Variants in PSD2 observed in about 807,000 individuals in gnomAD.
PSD2 encodes PH and SEC7 domain-containing protein 2.
A neutral mutation model predicts 69.8 loss-of-function variants in PSD2; 38 were observed. That is an observed-to-expected ratio of 0.54 (90% CI 0.42 to 0.71). The LOEUF (loss-of-function observed/expected upper bound fraction) is 0.71, where lower values mean the gene tolerates loss of function less well. Among genes scored for constraint, PSD2 ranks in the 30% least tolerant of loss-of-function variants. PSD2 has a pLI of 0.00. For missense variants in PSD2, 943 were observed against 1,014.5 expected (o/e 0.93, Z 0.96); for synonymous variants, 412 against 423.0 (o/e 0.97, Z 0.32).
At chr5:139,812,424 C>A (rs1403512097) in intron 2 of PSD2, among the ~76,000 whole-genome samples, 1 of 152,094 alleles carries the variant, frequency 6.6e-6, no homozygotes, top group Non-Finnish European at 1.5e-5. Context: ...GCTTGGGAAG[C>A]GTGGTTGGGG....
At position 139,843,871 on chromosome 5, in the gene PSD2, T is replaced by C. The variant is rs1760936293; in HGVS notation, c.*1397T>C. The C allele has an allele frequency of 6.6e-6, 1 of 152,248 alleles. No homozygotes were observed. The highest frequency in any genetic ancestry group is 2.1e-4 in the South Asian group (1 of 4,836). 9.4% of individuals were successfully genotyped at this position (152,248 alleles called of 1,614,324 possible). ...CCTCTCTATTGTTTAAATAGATTAC[T>C]GTAGTTTGGCCAGGAATTTGGCGTC... On this transcript the variant is annotated 3_prime_UTR_variant, in exon 15 of 15. Coordinates refer to ENST00000274710, the MANE Select transcript of PSD2 (RefSeq NM_032289.4).
chr5:139,839,205 A>G lies in PSD2; in HGVS notation c.1968+433A>G, dbSNP rs962987062. ...AGAAAACCCAACACACCCATGCTGC[A>G]GGTTCTCAGGGCTTCTTTGGAGAGG... On this transcript the variant is annotated intron_variant, in intron 13 of 14. Coordinates refer to ENST00000274710, the MANE Select transcript of PSD2 (RefSeq NM_032289.4). The surrounding 1 kb of genome is among the most constrained non-coding windows in gnomAD (Gnocchi z 5.1). 5.9e-5 allele frequency among the ~76,000 whole-genome samples: 9 copies of G among 152,242 alleles called. No individual in the cohort carries two copies. The highest frequency in any genetic ancestry group is 2.2e-4 in the African/African-American group (9 of 41,466).
intron 2 of PSD2, among the ~76,000 whole-genome samples, chr5:139,812,980 C>A (rs1162124904): frequency 2.6e-5 from 4 of 152,170 alleles, no homozygotes; most frequent in African/African-American, 9.7e-5. Context: ...TCCATCCAAG[C>A]AGGGCCTAGG....
At chr5:139,799,283 GA>G (rs1318471689) in intron 1 of PSD2, among the ~76,000 whole-genome samples, 2 of 152,192 alleles carry the variant, frequency 1.3e-5, no homozygotes, top group African/African-American at 4.8e-5. Flanking sequence ...AAATCTGACT[GA>G]ACCCCTACAT....
chr5:139,833,366 G>C (rs150212430), intron 7 of PSD2, among the ~76,000 whole-genome samples: 3 of 152,064 alleles, frequency 2.0e-5, no homozygotes, highest in African/African-American at 7.2e-5. Context: ...CTCCTCCTTG[G>C]GGTGAGAAAG....
the PSD2 span, among the ~76,000 whole-genome samples, chr5:139,788,186 C>CA: frequency 6.6e-6 from 1 of 151,842 alleles, no homozygotes; most frequent in Non-Finnish European, 1.5e-5. Context: ...CGCGCCCCCC[C>CA]CCGAACCCGT....
the PSD2 span, among the ~76,000 whole-genome samples, chr5:139,774,718 C>T: frequency 6.6e-6 from 1 of 152,110 alleles, no homozygotes; most frequent in Non-Finnish European, 1.5e-5. Flanking sequence ...TCTGGAACTC[C>T]TGACCTCGTG....
rs369762118 is a variant in PSD2, at chr5:139,814,793, T to C, written c.1016+429T>C. Among the ~76,000 whole-genome samples the C allele has an allele frequency of 5.9e-5, 9 of 152,050 alleles. No individual in the cohort carries two copies. Among genetic ancestry groups the C allele is most frequent in the African/African-American group, 1.7e-4 (7 of 41,412 alleles). On this transcript the variant is annotated intron_variant, in intron 4 of 14. Transcript: ENST00000274710. This position sits in a 1 kb window ranked among gnomAD's most constrained non-coding sequence, Gnocchi z 4.4. ...GCCTTCATTAAGCCCTACTATCTATTGGGACAAGCTGAAGGGGCTGAAGCC... is the reference window on the plus strand; with the variant it reads ...GCCTTCATTAAGCCCTACTATCTATCGGGACAAGCTGAAGGGGCTGAAGCC...
At chr5:139,756,114 G>T in the PSD2 span, among the ~76,000 whole-genome samples, 1 of 152,192 alleles carries the variant, frequency 6.6e-6, no homozygotes, top group Non-Finnish European at 1.5e-5. Context: ...TTCCGAGTCG[G>T]CGGCGGCTTT....
the PSD2 span, among the ~76,000 whole-genome samples, chr5:139,781,543 G>A: frequency 6.6e-6 from 1 of 151,986 alleles, no homozygotes; most frequent in Non-Finnish European, 1.5e-5. Flanking sequence ...CACTGTGTTA[G>A]CCAGAGTGGT....
intron 2 of PSD2, among the ~76,000 whole-genome samples, chr5:139,811,411 G>C (rs1759956633): frequency 6.6e-6 from 1 of 152,168 alleles, no homozygotes; most frequent in Admixed American, 6.5e-5. Context: ...TAGGCAGCAG[G>C]GGCTGGGGGA....
At position 139,837,824 on chromosome 5, in the gene PSD2, G is replaced by T. The variant is rs1760775042; in HGVS notation, c.1823+42G>T. 2 of 1,572,212 alleles carry T rather than the reference G, an allele frequency of 1.3e-6. No individual in the cohort carries two copies. Among genetic ancestry groups the T allele is most frequent in the Non-Finnish European group, 1.7e-6 (2 of 1,152,618 alleles). On this transcript the variant is annotated intron_variant, in intron 12 of 14. Coordinates refer to ENST00000274710, the MANE Select transcript of PSD2 (RefSeq NM_032289.4). This position sits in a 1 kb window ranked among gnomAD's most constrained non-coding sequence, Gnocchi z 5.0. ...GCCCTTCACTCCCACCTGGGGCCCA[G>T]GGCCACAGTGACCCGGCACACAACC...
the PSD2 span, among the ~76,000 whole-genome samples, chr5:139,759,304 T>A: frequency 2.6e-5 from 4 of 151,882 alleles, no homozygotes; most frequent in South Asian, 8.3e-4. Context: ...CCGCGCGCGC[T>A]CTCTCTCCAC....
chr5:139,836,781 A>G, intron 9 of PSD2, 30 bp from the exon 10 acceptor site: 3 of 1,599,238 alleles, frequency 1.9e-6, no homozygotes, highest in South Asian at 2.2e-5. Context: ...GCCTCCCTGG[A>G]GGTGGTGCTC....
chr5:139,783,943 C>CTTTTTTTTTTTTTTTTTTTTTTTT, the PSD2 span, among the ~76,000 whole-genome samples: 15 of 87,880 alleles, frequency 1.7e-4, 1 homozygote, highest in African/African-American at 2.8e-4. Context: ...TCTGCTAGCT[C>CTTTTTTTTTTTTTTTTTTTTTTTT]TTTTTTTTTT....
Position 139,814,495 on chromosome 5 carries a change from C to T in PSD2, c.1016+131C>T. The T allele has an allele frequency of 1.3e-6, 1 of 745,310 alleles. No individual in the cohort carries two copies. The highest frequency in any genetic ancestry group is 2.0e-6 in the Non-Finnish European group (1 of 487,856). The allele number at this position is 745,310 out of a possible 1,614,324, so 46.2% of individuals were successfully genotyped here. Reference sequence around the variant, plus strand: ...CACTCCCAACAGTTCCCCAAGGACACCTCCTCCCGCCACTGTCCTCATTCC... The same window carrying T: ...CACTCCCAACAGTTCCCCAAGGACATCTCCTCCCGCCACTGTCCTCATTCC... On this transcript the variant is annotated intron_variant, in intron 4 of 14. Transcript: ENST00000274710. This position sits in a 1 kb window ranked among gnomAD's most constrained non-coding sequence, Gnocchi z 4.4.
In PSD2 at chr5:139,837,048, A is replaced by T; in HGVS notation, c.1594+47A>T. 1 of 1,597,916 alleles carries T rather than the reference A, an allele frequency of 6.3e-7. No homozygotes were observed. The highest frequency in any genetic ancestry group is 8.6e-7 in the Non-Finnish European group (1 of 1,169,234). On this transcript the variant is annotated intron_variant, in intron 10 of 14. Coordinates refer to ENST00000274710, the MANE Select transcript of PSD2 (RefSeq NM_032289.4). The surrounding 1 kb of genome is among the most constrained non-coding windows in gnomAD (Gnocchi z 5.0). ...GGGCATGGGAGGGAGGCTGGCACAG[A>T]GGGGGGCGCCACGGGCCACTCTTTG...
upstream of PSD2, among the ~76,000 whole-genome samples, chr5:139,792,993 G>C (rs1759446712): frequency 6.6e-6 from 1 of 150,806 alleles, no homozygotes; most frequent in African/African-American, 2.4e-5. Flanking sequence ...TGTTGCCCAG[G>C]CTGGAATGTA....
intron 9 of PSD2, 51 bp downstream of exon 9, chr5:139,835,817 G>A (rs1760701644): frequency 5.1e-6 from 8 of 1,565,420 alleles, no homozygotes; most frequent in Non-Finnish European, 7.0e-6. Flanking sequence ...CCCTGGGTGG[G>A]GGAGTGTGGG....
Sources: allele counts gnomAD v4.1 joint callset (sites outside exome capture counted in the v4.1 genomes callset), GRCh38; gene constraint gnomAD v4.1.1; non-coding constraint Gnocchi (gnomAD v3.1); transcripts MANE v1.5; gene names NCBI Gene and HGNC (gene_info 2026-07-23, HGNC 2026-07-21).